Variants in PDGFD observed in about 807,000 individuals in gnomAD.
PDGFD encodes the protein platelet-derived growth factor D.
PDGFD carries 30 observed loss-of-function variants against 44.7 expected under a neutral mutation model. The observed-to-expected ratio is 0.67, with a 90% confidence interval of 0.50 to 0.91. PDGFD has a LOEUF of 0.91. Among genes scored for constraint, PDGFD ranks in the 40% least tolerant of loss-of-function variants. PDGFD has a pLI of 0.00. For missense variants in PDGFD, 445 were observed against 457.8 expected (o/e 0.97, Z 0.25); for synonymous variants, 173 against 168.4 (o/e 1.03, Z -0.21).
chr11:104,054,479 G>A (rs1455607105), intron 1 of PDGFD, among the ~76,000 whole-genome samples: 1 of 152,188 alleles, frequency 6.6e-6, no homozygotes, highest in Non-Finnish European at 1.5e-5. Context: ...AAACACATAT[G>A]TGGGAAATGG....
intron 1 of PDGFD, among the ~76,000 whole-genome samples, chr11:104,105,677 G>A (rs1183653046): frequency 6.6e-6 from 1 of 151,742 alleles, no homozygotes; most frequent in Non-Finnish European, 1.5e-5. Flanking sequence ...ATATAATTCA[G>A]CTGTGAAAGC....
At chr11:103,976,256 T>G (rs942948513) in intron 3 of PDGFD, among the ~76,000 whole-genome samples, 4 of 152,094 alleles carry the variant, frequency 2.6e-5, no homozygotes, top group Admixed American at 6.6e-5. Flanking sequence ...TTGTCAATAG[T>G]AAGTTGTATT....
chr11:104,119,649 A>G (rs1465305080), intron 1 of PDGFD, among the ~76,000 whole-genome samples: 1 of 8,494 alleles, frequency 1.2e-4, no homozygotes, highest in Non-Finnish European at 4.1e-4. Context: ...ATATATTAAT[A>G]GATATATATA....
intron 6 of PDGFD, among the ~76,000 whole-genome samples, chr11:103,917,793 C>T (rs945979592): frequency 1.3e-5 from 2 of 152,108 alleles, no homozygotes; most frequent in Admixed American, 6.6e-5. Context: ...CTCTAACATG[C>T]CTTCAATTTC....
chr11:104,060,894 C>T (rs1860703438), intron 1 of PDGFD, among the ~76,000 whole-genome samples: 1 of 152,158 alleles, frequency 6.6e-6, no homozygotes, highest in Admixed American at 6.5e-5. Context: ...AAGTGTACAA[C>T]TCAGTGGTAT....
intron 3 of PDGFD, among the ~76,000 whole-genome samples, chr11:103,985,672 T>TAAGG (rs1859352528): frequency 6.7e-6 from 1 of 149,138 alleles, no homozygotes; most frequent in African/African-American, 2.6e-5. Context: ...AGAATATGTG[T>TAAGG]AAGGAAAAGG....
chr11:103,918,734 G>T (rs1046155571), intron 6 of PDGFD, among the ~76,000 whole-genome samples: 1 of 152,270 alleles, frequency 6.6e-6, no homozygotes, highest in South Asian at 2.1e-4. Flanking sequence ...GTGGAAATTG[G>T]ACTGCCTTAC....
intron 3 of PDGFD, among the ~76,000 whole-genome samples, chr11:103,966,942 C>T (rs574738213): frequency 6.6e-6 from 1 of 152,286 alleles, no homozygotes; most frequent in South Asian, 2.1e-4. Context: ...CAAATGAGAG[C>T]TCACACTCTG....
chr11:104,086,882 C>T (rs1157550621), intron 1 of PDGFD, among the ~76,000 whole-genome samples: 7 of 152,154 alleles, frequency 4.6e-5, no homozygotes, highest in Admixed American at 4.6e-4. Context: ...TTCCAAGCTG[C>T]AGGAAAATTA....
intron 1 of PDGFD, among the ~76,000 whole-genome samples, chr11:104,016,727 G>A (rs1275196545): frequency 2.6e-5 from 4 of 152,136 alleles, no homozygotes; most frequent in South Asian, 2.1e-4. Context: ...ACTTTAACAC[G>A]GAAAGGGCAC....
chr11:104,163,880 G>C lies in PDGFD; in HGVS notation c.48C>G (p.Cys16Trp), dbSNP rs772390529. 1 of 1,576,912 alleles carries C rather than the reference G, an allele frequency of 6.3e-7. No homozygotes were observed. Among genetic ancestry groups the C allele is most frequent in the Non-Finnish European group, 8.7e-7 (1 of 1,152,876 alleles). Residue 16 changes from cysteine (C) to tryptophan (W), a missense_variant, in exon 1 of 7, where the codon TGC becomes TGG. By Grantham distance (215) the Cys-to-Trp change is radical. Coordinates refer to ENST00000393158, the MANE Select transcript of PDGFD (RefSeq NM_025208.5). ...GGGTTGCAGAAGTGTCCCGACAGCT[G>C]CAAAAGTTTGCGCAGATTAGAGTGT... Reference protein sequence around the residue: ...FVYTLICANFCSCRDTSATPQ... With the variant: ...FVYTLICANFWSCRDTSATPQ...
chr11:104,078,069 C>G (rs1860992607), intron 1 of PDGFD, among the ~76,000 whole-genome samples: 1 of 152,030 alleles, frequency 6.6e-6, no homozygotes, highest in South Asian at 2.1e-4. Context: ...AGGTTTGCAT[C>G]TGCCACTGTG....
intron 1 of PDGFD, among the ~76,000 whole-genome samples, chr11:104,150,501 G>A (rs1252345424): frequency 6.6e-6 from 1 of 152,116 alleles, no homozygotes; most frequent in Non-Finnish European, 1.5e-5. Context: ...TGTAGCGGCT[G>A]TAACAAATTG....
At chr11:104,068,262 C>T (rs1860821860) in intron 1 of PDGFD, among the ~76,000 whole-genome samples, 1 of 152,098 alleles carries the variant, frequency 6.6e-6, no homozygotes, top group Non-Finnish European at 1.5e-5. Context: ...ATGTCTGGCT[C>T]CAAAGTTCTC....
intron 1 of PDGFD, among the ~76,000 whole-genome samples, chr11:104,121,055 A>G (rs567717092): frequency 3.0e-4 from 45 of 152,158 alleles, no homozygotes; most frequent in African/African-American, 1.1e-3. Flanking sequence ...ATGATTTCCT[A>G]TTTAATCCAA....
chr11:104,065,313 C>G (rs990862534), intron 1 of PDGFD, among the ~76,000 whole-genome samples: 1 of 152,114 alleles, frequency 6.6e-6, no homozygotes, highest in African/African-American at 2.4e-5. Flanking sequence ...CCTAATATAA[C>G]TACTATTTCT....
At chr11:104,071,057 A>T (rs1565326565) in intron 1 of PDGFD, among the ~76,000 whole-genome samples, 1 of 152,052 alleles carries the variant, frequency 6.6e-6, no homozygotes, top group Non-Finnish European at 1.5e-5. Flanking sequence ...GGGGAGTGTG[A>T]TGTAAACAAT....
At chr11:103,952,343 T>C (rs1252799765) in intron 3 of PDGFD, among the ~76,000 whole-genome samples, 1 of 152,244 alleles carries the variant, frequency 6.6e-6, no homozygotes, top group Non-Finnish European at 1.5e-5. Context: ...TTTCAAGCAA[T>C]GTCTTATTAT....
intron 2 of PDGFD, among the ~76,000 whole-genome samples, chr11:103,998,716 C>T (rs1399960723): frequency 6.6e-6 from 1 of 152,192 alleles, no homozygotes; most frequent in Non-Finnish European, 1.5e-5. Flanking sequence ...GAAGCTGCAA[C>T]TGACATAGAA....
Sources: allele counts gnomAD v4.1 joint callset (sites outside exome capture counted in the v4.1 genomes callset), GRCh38; gene constraint gnomAD v4.1.1; transcripts MANE v1.5; gene names NCBI Gene and HGNC (gene_info 2026-07-23, HGNC 2026-07-21).